The following LGR6 variants were observed in gnomAD, a reference collection of about 807,000 sequenced individuals.
LGR6 encodes leucine rich repeat containing G protein-coupled receptor 6.
A neutral mutation model predicts 69.4 loss-of-function variants in LGR6; 45 were observed. The ratio of observed to expected loss-of-function variants is 0.65; its 90% CI spans 0.51 to 0.83. The LOEUF is 0.83. Ranked by LOEUF, LGR6 falls within the 40% of genes least tolerant of loss-of-function variation. The pLI, the probability that LGR6 is intolerant of heterozygous loss-of-function variation, is 0.00. For synonymous variants in LGR6, 538 were observed against 555.0 expected (o/e 0.97, Z 0.43); for missense variants, 1,108 against 1,246.7 (o/e 0.89, Z 1.68).
At chr1:202,238,612 C>A (rs921402123) in intron 4 of LGR6, among the ~76,000 whole-genome samples, 13 of 150,194 alleles carry the variant, frequency 8.7e-5, no homozygotes, top group Non-Finnish European at 1.6e-4. Context: ...TCAGTAGAGA[C>A]GGGGGTTTCA....
At chr1:202,201,351 C>T (rs1474308296) in intron 1 of LGR6, among the ~76,000 whole-genome samples, 3 of 152,208 alleles carry the variant, frequency 2.0e-5, no homozygotes, top group African/African-American at 7.2e-5. Context: ...ATGTCTCTTC[C>T]TTTACCAATA....
At chr1:202,203,899 T>A (rs1253057522) in intron 1 of LGR6, 1 of 1,573,768 alleles carries the variant, frequency 6.4e-7, no homozygotes, top group Non-Finnish European at 8.7e-7. Flanking sequence ...TGAAGCAAGA[T>A]CCTCCTTGGG....
At chr1:202,287,445 G>T (rs1666473054) in intron 6 of LGR6, among the ~76,000 whole-genome samples, 1 of 152,050 alleles carries the variant, frequency 6.6e-6, no homozygotes, top group African/African-American at 2.4e-5. Context: ...TTCTGTTTAC[G>T]CTTCTCTCCC....
At chr1:202,301,390 A>G (rs1667582985) in intron 9 of LGR6, among the ~76,000 whole-genome samples, 155 bp downstream of exon 9, 1 of 152,204 alleles carries the variant, frequency 6.6e-6, no homozygotes, top group African/African-American at 2.4e-5. Context: ...TGCTTTGCTC[A>G]GACCCGTTCC....
At chr1:202,240,811 G>T (rs1021957079) in intron 4 of LGR6, among the ~76,000 whole-genome samples, 38 of 152,196 alleles carry the variant, frequency 2.5e-4, no homozygotes, top group African/African-American at 9.2e-4. Flanking sequence ...ACTTCCCTGT[G>T]TGCCAGCAGG....
In LGR6 at chr1:202,235,795, G is replaced by A. The variant is rs764611223; in HGVS notation, c.357-127G>A. 1.7e-4 allele frequency: 122 copies of A among 736,376 alleles called. 1 individual carries two copies. The highest frequency in any genetic ancestry group is 6.8e-5 in the Non-Finnish European group (29 of 426,208). The allele number at this position is 736,376 out of a possible 1,614,324, so 45.6% of individuals were successfully genotyped here. ...GGGGAGCTGGACCAGACTCTCTCTG[G>A]GGCTCTGAGGCTGGGGTGAGAAGGA... On this transcript the variant is annotated intron_variant, in intron 3 of 17. Transcript: ENST00000367278.
intron 4 of LGR6, among the ~76,000 whole-genome samples, chr1:202,269,014 C>A (rs1664888797): frequency 6.6e-6 from 1 of 152,146 alleles, no homozygotes; most frequent in Non-Finnish European, 1.5e-5. Flanking sequence ...AAAAGATCCT[C>A]CTGCCGCAGC....
intron 5 of LGR6, among the ~76,000 whole-genome samples, chr1:202,278,931 T>C (rs1260729902): frequency 6.6e-6 from 1 of 152,310 alleles, no homozygotes; most frequent in Non-Finnish European, 1.5e-5. Context: ...GTCATGTGTG[T>C]AATCTTGTCT....
intron 6 of LGR6, among the ~76,000 whole-genome samples, chr1:202,281,211 TG>T (rs768997519): frequency 5.9e-5 from 9 of 151,822 alleles, no homozygotes; most frequent in Non-Finnish European, 1.3e-4. Flanking sequence ...ATAGAAGGCA[TG>T]GGGGTGGGGC....
chr1:202,270,798 C>A (rs1233956732), intron 4 of LGR6, among the ~76,000 whole-genome samples: 1 of 152,206 alleles, frequency 6.6e-6, no homozygotes, highest in Non-Finnish European at 1.5e-5. Context: ...GACCAGGACC[C>A]TATGTCCCCA....
chr1:202,307,481 A>G, intron 14 of LGR6, 80 bp downstream of exon 14: 1 of 1,195,052 alleles, frequency 8.4e-7, no homozygotes, highest in Non-Finnish European at 1.3e-6. Flanking sequence ...CAGAAGGGCC[A>G]CCCCAGAGCA....
At chr1:202,197,094 G>A (rs745578821) in intron 1 of LGR6, 1 of 533,130 alleles carries the variant, frequency 1.9e-6, no homozygotes, top group South Asian at 1.4e-5. Context: ...AGGCGCCCAG[G>A]AGCTATGGGC....
chr1:202,243,884 C>T (rs920866679), intron 4 of LGR6, among the ~76,000 whole-genome samples: 16 of 152,102 alleles, frequency 1.1e-4, no homozygotes, highest in Non-Finnish European at 1.5e-4. Context: ...GGGCAGGCGG[C>T]GACAAGGAAA....
intron 4 of LGR6, among the ~76,000 whole-genome samples, chr1:202,251,752 C>T (rs752001979): frequency 2.0e-5 from 3 of 152,230 alleles, no homozygotes; most frequent in Non-Finnish European, 4.4e-5. Context: ...CTCAGCTGCA[C>T]ATCTGCTAAC....
intron 1 of LGR6, chr1:202,214,089 A>G (rs1252259522): frequency 9.4e-6 from 13 of 1,385,216 alleles, no homozygotes; most frequent in East Asian, 3.1e-5. Flanking sequence ...AGAACGAGAG[A>G]GGATCAGCGC....
intron 1 of LGR6, among the ~76,000 whole-genome samples, chr1:202,199,937 T>C (rs895316440): frequency 6.6e-6 from 1 of 152,234 alleles, no homozygotes; most frequent in Non-Finnish European, 1.5e-5. Context: ...GTTTTTCTTA[T>C]TGCCTTCAGC....
At chr1:202,244,853 G>GAA (rs1429155992) in intron 4 of LGR6, among the ~76,000 whole-genome samples, 2 of 152,314 alleles carry the variant, frequency 1.3e-5, no homozygotes, top group East Asian at 3.9e-4. Context: ...GAGTCAGGAA[G>GAA]AAAAACAGGA....
chr1:202,255,543 C>T (rs372190113), intron 4 of LGR6, among the ~76,000 whole-genome samples: 1 of 152,210 alleles, frequency 6.6e-6, no homozygotes, highest in Non-Finnish European at 1.5e-5. Context: ...TGCCGGCCCC[C>T]CTTAGCTCAG....
At chr1:202,234,525 T>C (rs923739046) in intron 3 of LGR6, among the ~76,000 whole-genome samples, 3 of 152,230 alleles carry the variant, frequency 2.0e-5, no homozygotes, top group Non-Finnish European at 2.9e-5. Flanking sequence ...CTCAGCATTT[T>C]CTGGCCACTG....
Sources: allele counts gnomAD v4.1 joint callset (sites outside exome capture counted in the v4.1 genomes callset), GRCh38; gene constraint gnomAD v4.1.1; transcripts MANE v1.5; gene names NCBI Gene and HGNC (gene_info 2026-07-23, HGNC 2026-07-21).